Variants in PINK1 observed in about 807,000 individuals in gnomAD.
PINK1 encodes the protein PTEN induced kinase 1, also known as serine/threonine-protein kinase PINK1, mitochondrial.
A neutral mutation model predicts 56.0 loss-of-function variants in PINK1; 58 were observed. The observed-to-expected ratio is 1.04, with a 90% CI of 0.84 to 1.29. The LOEUF (loss-of-function observed/expected upper bound fraction) is 1.29. Among genes scored for constraint, PINK1 ranks in the 50% most tolerant of loss-of-function variants. The probability of loss-of-function intolerance (pLI) is 0.00; values close to 1 mark genes in which losing one functional copy is unlikely to be tolerated. For synonymous variants in PINK1, 354 were observed against 339.3 expected, an observed-to-expected ratio of 1.04 and a Z score of -0.48; for missense variants, 745 against 777.9, an observed-to-expected ratio of 0.96 and a Z score of 0.50.
In PINK1 at chr1:20,633,472, A is replaced by C; in HGVS notation, c.-77A>C. The stretch of plus-strand genomic sequence containing the variant: ...TGCGCCTGCGCAGAGGCACCGCCCC[A>C]AGTTTGTTGTGACCGGCGGGGGACG... On this transcript the variant is annotated 5_prime_UTR_variant, in exon 1 of 8. Transcript: ENST00000321556. 1 of 1,059,756 alleles carries C rather than the reference A, an allele frequency of 9.4e-7. No homozygotes were observed. Among genetic ancestry groups the C allele is most frequent in the Non-Finnish European group, 1.1e-6 (1 of 875,064 alleles). 65.6% of individuals were successfully genotyped at this position (1,059,756 alleles called of 1,614,324 possible).
Position 20,651,255 on chromosome 1 carries a change from T to G in PINK1, c.*564T>G, listed in dbSNP as rs1043502. On this transcript the variant is annotated 3_prime_UTR_variant, in exon 8 of 8. Transcript: ENST00000321556. Reference sequence around the variant, plus strand: ...AGTGTGGGGATTTAAACTTGAGGGTTTCCCTCCTGACTAGCCTCTCTTACA... The same window carrying G: ...AGTGTGGGGATTTAAACTTGAGGGTGTCCCTCCTGACTAGCCTCTCTTACA... 45,810 of 165,700 alleles carry G rather than the reference T, an allele frequency of 0.28. 6,601 individuals carry two copies. Among genetic ancestry groups the G allele is most frequent in the South Asian group, 0.38 (2,368 of 6,294 alleles). 10.3% of individuals were successfully genotyped at this position (165,700 alleles called of 1,614,324 possible).
rs574890623 is a variant in PINK1, at chr1:20,648,606, G to A, written c.1225G>A (p.Gly409Arg). 19 of 1,614,042 alleles carry A rather than the reference G, an allele frequency of 1.2e-5. No homozygotes were observed. Among genetic ancestry groups the A allele is most frequent in the Middle Eastern group, 1.7e-4 (1 of 6,060 alleles). The stretch of plus-strand genomic sequence containing the variant: ...CAGCAGCTGGTACGTGGATCGGGGC[G>A]GAAACGGCTGTCTGATGGCCCCAGA... ...PFSSWYVDRGGNGCLMAPEVS... is the reference protein window; with the variant it reads ...PFSSWYVDRGRNGCLMAPEVS... Residue 409 changes from glycine (G) to arginine (R), a missense_variant, in exon 6 of 8, where the codon GGA becomes AGA. Gly to Arg is a moderately radical substitution (Grantham distance 125). Coordinates refer to ENST00000321556, the MANE Select transcript of PINK1 (RefSeq NM_032409.3).
chr1:20,645,626 G>A lies in PINK1; in HGVS notation c.1026G>A (p.Met342Ile), dbSNP rs1553146562. ...CCAGCCCCCGCCTCGCCGCCATGATGCTGCTGCAGCTGCTGGAAGGCGTGG... is the reference window on the plus strand; with the variant it reads ...CCAGCCCCCGCCTCGCCGCCATGATACTGCTGCAGCTGCTGGAAGGCGTGG... ...NTPSPRLAAM[M>I]LLQLLEGVDH... The change falls in exon 5 of 8, where the codon ATG (methionine) becomes ATA (isoleucine). Residue 342 changes from methionine (M) to isoleucine (I), a missense_variant. By Grantham distance (10) the Met-to-Ile change is conservative. Coordinates refer to ENST00000321556, the MANE Select transcript of PINK1 (RefSeq NM_032409.3). The A allele has an allele frequency of 1.3e-5, 21 of 1,614,078 alleles. No homozygotes were observed. The highest frequency in any genetic ancestry group is 1.8e-5 in the Non-Finnish European group (21 of 1,180,030).
chr1:20,650,262 C>T (rs1333030214), intron 7 of PINK1, 172 bp from the exon 8 acceptor site: 18 of 829,776 alleles, frequency 2.2e-5, no homozygotes, highest in South Asian at 1.1e-4. Flanking sequence ...GCTTGGAGCA[C>T]GGGCAGGGGA....
intron 7 of PINK1, 133 bp downstream of exon 7, chr1:20,649,364 G>A: frequency 3.2e-6 from 3 of 950,554 alleles, no homozygotes; most frequent in African/African-American, 1.6e-5. Context: ...CTAGTTACAA[G>A]AGAACAAAAA....
rs909223622 is a variant in PINK1 at position 20,650,267 on chromosome 1, AGG to A, written c.1489-164_1489-163del. 1.8e-4 allele frequency: 152 copies of A among 864,934 alleles called. 1 individual carries two copies. The African/African-American group carries it at 2.1e-3, about 12-fold the overall frequency. The allele number at this position is 864,934 out of a possible 1,614,324, so 53.6% of individuals were successfully genotyped here. The stretch of plus-strand genomic sequence containing the variant: ...ACATGGAAAAGCTTGGAGCACGGGC[AGG>A]GGACAGGCAGTATTTGTCACCTGAG... On this transcript the variant is annotated intron_variant, in intron 7 of 7. Transcript: ENST00000321556.
intron 1 of PINK1, among the ~76,000 whole-genome samples, chr1:20,636,334 G>A (rs3820321): frequency 0.37 from 56,019 of 151,052 alleles, 10,462 homozygotes; most frequent in Middle Eastern, 0.45. Flanking sequence ...AAGTTTATAA[G>A]GGAAGTTGGA....
In PINK1 at chr1:20,644,681, C is replaced by G; in HGVS notation, c.959+9C>G. ...TTCCTCGTTATGAAGAAGTAAGTGA[C>G]AGCAGCGCGGCAGGGCCTGGAGCTG... On this transcript the variant is annotated intron_variant, in intron 4 of 7. Coordinates refer to ENST00000321556, the MANE Select transcript of PINK1 (RefSeq NM_032409.3). 1 of 1,613,938 alleles carries G rather than the reference C, an allele frequency of 6.2e-7. No individual in the cohort carries two copies.
chr1:20,643,925 C>G (rs967704388), intron 3 of PINK1, among the ~76,000 whole-genome samples: 2 of 151,976 alleles, frequency 1.3e-5, no homozygotes, highest in South Asian at 4.1e-4. Flanking sequence ...TACACACATA[C>G]CTATGGTAAA....
rs2053267054 is a variant in PINK1, at chr1:20,651,097, C to T, written c.*406C>T. 2 of 294,388 alleles carry T rather than the reference C, an allele frequency of 6.8e-6. No homozygotes were observed. Among genetic ancestry groups the T allele is most frequent in the Non-Finnish European group, 1.3e-5 (2 of 151,202 alleles). The allele number at this position is 294,388 out of a possible 1,614,324, so 18.2% of individuals were successfully genotyped here. A position where few individuals can be genotyped will look rare whatever the true frequency, so the allele number is the denominator to read the frequency against. On this transcript the variant is annotated 3_prime_UTR_variant, in exon 8 of 8. Transcript: ENST00000321556. ...GATGAAGGCAGACATCAACATGGGT[C>T]AGCACGTTCAGTTACGGGAGTGGGA...
intron 1 of PINK1, 150 bp downstream of exon 1, chr1:20,634,085 C>A: frequency 1.1e-6 from 1 of 912,122 alleles, no homozygotes; most frequent in African/African-American, 1.7e-5. Context: ...ATCTATTTCA[C>A]CATTACTGAT....
chr1:20,640,867 G>A (rs573739078), intron 3 of PINK1, among the ~76,000 whole-genome samples: 4 of 152,228 alleles, frequency 2.6e-5, no homozygotes, highest in African/African-American at 9.6e-5. Flanking sequence ...GTGAAACCCC[G>A]CCTTTACAAA....
chr1:20,649,334 CTG>C (rs1281035709), intron 7 of PINK1, 103 bp downstream of exon 7: 54 of 1,251,654 alleles, frequency 4.3e-5, no homozygotes, highest in Non-Finnish European at 3.8e-5. Flanking sequence ...GACAGATCCT[CTG>C]TGTTAGGAAG....
At position 20,650,846 on chromosome 1, in the gene PINK1, T is replaced by A; in HGVS notation, c.*155T>A. ...CTCGGGCTTGGCAAATGGAAGAACT[T>A]GAGTGAGAGTTCAGTCTGCAGTCCT... On this transcript the variant is annotated 3_prime_UTR_variant, in exon 8 of 8. Coordinates refer to ENST00000321556, the MANE Select transcript of PINK1 (RefSeq NM_032409.3). The A allele has an allele frequency of 1.0e-6, 1 of 961,666 alleles. No individual in the cohort carries two copies. Among genetic ancestry groups the A allele is most frequent in the Non-Finnish European group, 1.6e-6 (1 of 635,048 alleles). 59.6% of individuals were successfully genotyped at this position (961,666 alleles called of 1,614,324 possible).
intron 1 of PINK1, among the ~76,000 whole-genome samples, chr1:20,634,751 ATCT>A (rs2053039780): frequency 6.6e-6 from 1 of 152,198 alleles, no homozygotes; most frequent in South Asian, 2.1e-4. Flanking sequence ...GCAGAATTCC[ATCT>A]TCTTCCAGGG....
In PINK1 at chr1:20,649,217, C is replaced by T. The variant is rs34208370; in HGVS notation, c.1474C>T (p.Arg492Ter). The T allele has an allele frequency of 6.3e-5, 101 of 1,614,054 alleles. No homozygotes were observed. Among genetic ancestry groups the T allele is most frequent in the East Asian group, 3.1e-4 (14 of 44,876 alleles). Residue 492 changes from arginine to a stop codon, truncating the protein, a stop_gained, in exon 7 of 8, where the codon CGA (arginine) becomes TGA (stop). Transcript: ENST00000321556. LOFTEE classifies it high-confidence loss of function. ...VRQLVRALLQ[R>*]EASKRPSARV... ...ACAGTTGGTGAGGGCACTGCTCCAG[C>T]GAGAGGCCAGCAAGGTGAGGCTGTC...
At position 20,633,483 on chromosome 1, in the gene PINK1, G is replaced by A; in HGVS notation, c.-66G>A. 9.2e-7 allele frequency: 1 copy of A among 1,084,998 alleles called. No homozygotes were observed. Among genetic ancestry groups the A allele is most frequent in the South Asian group, 4.5e-5 (1 of 22,362 alleles). 67.2% of individuals were successfully genotyped at this position (1,084,998 alleles called of 1,614,324 possible). On this transcript the variant is annotated 5_prime_UTR_variant, in exon 1 of 8. Coordinates refer to ENST00000321556, the MANE Select transcript of PINK1 (RefSeq NM_032409.3). ...AGAGGCACCGCCCCAAGTTTGTTGT[G>A]ACCGGCGGGGGACGCCGGTGGTGGC... is the stretch of plus-strand genomic sequence containing the variant.
chr1:20,647,502 ACT>A (rs1481212961), intron 5 of PINK1, among the ~76,000 whole-genome samples: 2 of 80,078 alleles, frequency 2.5e-5, no homozygotes, highest in Non-Finnish European at 4.7e-5. Flanking sequence ...ACGGAGTCTC[ACT>A]CTGTCGCCCA....
At chr1:20,640,992 A>G (rs1206492865) in intron 3 of PINK1, among the ~76,000 whole-genome samples, 2 of 152,124 alleles carry the variant, frequency 1.3e-5, no homozygotes, top group Non-Finnish European at 2.9e-5. Context: ...AGCCAAGATC[A>G]TGCCACTGCA....
Sources: allele counts gnomAD v4.1 joint callset (sites outside exome capture counted in the v4.1 genomes callset), GRCh38; gene constraint gnomAD v4.1.1; transcripts MANE v1.5; gene names NCBI Gene and HGNC (gene_info 2026-07-23, HGNC 2026-07-21).